Variants in SMARCB1 observed in about 807,000 individuals in gnomAD.
SMARCB1 encodes the protein SWI/SNF-related matrix-associated actin-dependent regulator of chromatin subfamily B member 1.
Under a neutral mutation model 49.0 loss-of-function variants are expected in SMARCB1, and 5 were observed. The observed-to-expected ratio is 0.10, with a 90% CI of 0.05 to 0.21. The LOEUF (loss-of-function observed/expected upper bound fraction) is 0.21. Among genes scored for constraint, SMARCB1 ranks in the 10% least tolerant of loss-of-function variants. The pLI, the probability that SMARCB1 is intolerant of heterozygous loss-of-function variation, is 1.00. For synonymous variants in SMARCB1, 201 were observed against 200.1 expected (o/e 1.00, Z -0.04); for missense variants, 226 against 509.2 (o/e 0.44, Z 5.35).
At chr22:23,825,493 T>A in intron 7 of SMARCB1, 78 bp downstream of exon 7, 1 of 1,301,388 alleles carries the variant, frequency 7.7e-7, no homozygotes, top group Non-Finnish European at 1.1e-6. Context: ...GTGTGAGCGG[T>A]GATACCTTTG....
At chr22:23,803,846 TCCTCACTCTGTAAGTC>T (rs1176151190) in intron 5 of SMARCB1, 2 of 300,980 alleles carry the variant, frequency 6.6e-6, no homozygotes, top group Non-Finnish European at 1.3e-5. Flanking sequence ...TCTCTAGACA[TCCTCACTCTGTAAGTC>T]CTGGGTCAGA....
At chr22:23,799,441 C>A (rs1486984171) in intron 3 of SMARCB1, among the ~76,000 whole-genome samples, 6 of 149,876 alleles carry the variant, frequency 4.0e-5, no homozygotes, top group African/African-American at 1.5e-4. Flanking sequence ...CCACGCCTGG[C>A]TAACTTTTGT....
At chr22:23,828,469 C>CA (rs1193845615) in intron 7 of SMARCB1, among the ~76,000 whole-genome samples, 1 of 152,024 alleles carries the variant, frequency 6.6e-6, no homozygotes, top group Non-Finnish European at 1.5e-5. Context: ...GACAGGCCAA[C>CA]ATGGCAAAAC....
chr22:23,835,076 TC>T lies in SMARCB1; in HGVS notation c.*898del. The T allele has an allele frequency of 7.2e-7, 1 of 1,397,090 alleles. No individual in the cohort carries two copies. Among genetic ancestry groups the T allele is most frequent in the Non-Finnish European group, 9.3e-7 (1 of 1,078,618 alleles). The allele number at this position is 1,397,090 out of a possible 1,614,324, so 86.5% of individuals were successfully genotyped here. On this transcript the variant is annotated 3_prime_UTR_variant, in exon 9 of 9. Transcript: ENST00000644036. ...AGCAGGTGCTGTGGCCTGGGCCAGC[TC>T]CTGCCTTACAAGCCAGCTGTGAGGA...
chr22:23,817,119 CATAGT>C (rs1333804904), intron 6 of SMARCB1, 183 bp downstream of exon 6: 1 of 634,196 alleles, frequency 1.6e-6, no homozygotes, highest in African/African-American at 1.8e-5. Flanking sequence ...GCTGAGTTCT[CATAGT>C]AAAGTGTTAT....
intron 6 of SMARCB1, chr22:23,824,982 G>T (rs1012920602): frequency 8.6e-6 from 5 of 581,226 alleles, no homozygotes; most frequent in Middle Eastern, 4.6e-4. Flanking sequence ...TGCCCCCGGG[G>T]TCACTTCAGG....
chr22:23,835,820 C>A lies in SMARCB1; in HGVS notation c.*1640C>A. 1.0e-6 allele frequency: 1 copy of A among 985,448 alleles called. No homozygotes were observed. The highest frequency in any genetic ancestry group is 1.2e-6 in the Non-Finnish European group (1 of 829,954). The allele number at this position is 985,448 out of a possible 1,614,324, so 61.0% of individuals were successfully genotyped here. A position where few individuals can be genotyped will look rare whatever the true frequency, so the allele number is the denominator to read the frequency against. Reference sequence around the variant, plus strand: ...ACCTTGGCTGCCTCACCCCACAGGTCGGGCAGGGCCACCTGGCTGGGAGGT... The same window carrying A: ...ACCTTGGCTGCCTCACCCCACAGGTAGGGCAGGGCCACCTGGCTGGGAGGT... On this transcript the variant is annotated 3_prime_UTR_variant, in exon 9 of 9. Coordinates refer to ENST00000644036, the MANE Select transcript of SMARCB1 (RefSeq NM_003073.5).
chr22:23,816,634 A>G (rs1379982887), intron 5 of SMARCB1, 136 bp from the exon 6 acceptor site: 6 of 828,590 alleles, frequency 7.2e-6, no homozygotes, highest in African/African-American at 5.1e-5. Flanking sequence ...GTTTCCAGGA[A>G]GGCCACCCCC....
At chr22:23,814,152 G>A (rs543815880) in intron 5 of SMARCB1, among the ~76,000 whole-genome samples, 121 of 152,208 alleles carry the variant, frequency 7.9e-4, no homozygotes, top group African/African-American at 2.6e-3. Flanking sequence ...AAACAGTAAA[G>A]TGGGAGTAAT....
rs956608710 is a variant in SMARCB1, at chr22:23,835,619, G to A, written c.*1439G>A. The A allele has an allele frequency of 2.0e-6, 2 of 985,398 alleles. No individual in the cohort carries two copies. Among genetic ancestry groups the A allele is most frequent in the Non-Finnish European group, 2.4e-6 (2 of 829,960 alleles). The allele number at this position is 985,398 out of a possible 1,614,324, so 61.0% of individuals were successfully genotyped here. ...CTCCCCAGAGCCCCATGCACAGCAA[G>A]GGGACAGCTGGGCCTTACTGGAAGG... On this transcript the variant is annotated 3_prime_UTR_variant, in exon 9 of 9. Transcript: ENST00000644036.
At chr22:23,793,790 TTTTTTTTTGAGATGGAATC>T in intron 3 of SMARCB1, 102 bp downstream of exon 3, 1 of 1,295,046 alleles carries the variant, frequency 7.7e-7, no homozygotes. Context: ...ACTTTTTTTT[TTTTTTTTTGAGATGGAATC>T]TTGTTCTTGT....
At chr22:23,827,503 A>C (rs1447917602) in intron 7 of SMARCB1, among the ~76,000 whole-genome samples, 1 of 152,026 alleles carries the variant, frequency 6.6e-6, no homozygotes, top group Non-Finnish European at 1.5e-5. Context: ...CCCCTTCTTT[A>C]TCTCATCGAC....
At chr22:23,793,948 GT>G (rs1176010995) in intron 3 of SMARCB1, among the ~76,000 whole-genome samples, 1 of 151,130 alleles carries the variant, frequency 6.6e-6, no homozygotes. Flanking sequence ...TACCTGGCTA[GT>G]TTTTTTTTCT....
At position 23,801,122 on chromosome 22, in the gene SMARCB1, G is replaced by A. The variant is rs587777973; in HGVS notation, c.500+41G>A. ...TGCACTCACCCTCCGTGCTGATTCC[G>A]CCTTAGTTCTCCAGCACGTTTCAGT... On this transcript the variant is annotated intron_variant, in intron 4 of 8. Transcript: ENST00000644036. 128 of 1,614,078 alleles carry A rather than the reference G, an allele frequency of 7.9e-5. No homozygotes were observed. In the East Asian group the frequency reaches 2.5e-3, roughly 32 times the overall value.
intron 1 of SMARCB1, among the ~76,000 whole-genome samples, chr22:23,789,072 A>T (rs1010306442): frequency 1.3e-5 from 2 of 152,106 alleles, no homozygotes; most frequent in African/African-American, 4.8e-5. Flanking sequence ...CTGGTCTTAA[A>T]CTTGTGAGCT....
intron 5 of SMARCB1, 68 bp from the exon 6 acceptor site, chr22:23,816,702 T>A: frequency 6.9e-7 from 1 of 1,448,166 alleles, no homozygotes; most frequent in Non-Finnish European, 9.7e-7. Context: ...GAAGAAGGGG[T>A]GAGGGAGGCC....
At chr22:23,819,505 A>G (rs1260574319) in intron 6 of SMARCB1, among the ~76,000 whole-genome samples, 1 of 151,584 alleles carries the variant, frequency 6.6e-6, no homozygotes, top group Non-Finnish European at 1.5e-5. Context: ...ATTTTTTTGG[A>G]TTTTTAATAG....
Position 23,836,670 on chromosome 22 carries a change from C to G in SMARCB1, c.*2490C>G. On this transcript the variant is annotated 3_prime_UTR_variant, in exon 9 of 9. Transcript: ENST00000644036. ...GCTGAGAGGCCACACTGAGTGAGGA[C>G]GGGGCAGGCATAGAAGGATGTGGCC... 1.6e-6 allele frequency: 2 copies of G among 1,276,382 alleles called. No homozygotes were observed. Among genetic ancestry groups the G allele is most frequent in the Admixed American group, 8.1e-5 (2 of 24,614 alleles). The allele number at this position is 1,276,382 out of a possible 1,614,324, so 79.1% of individuals were successfully genotyped here.
rs758785610 is a variant in SMARCB1, at chr22:23,837,116, CG to C, written c.*2937del. 1 of 1,613,998 alleles carries C rather than the reference CG, an allele frequency of 6.2e-7. No individual in the cohort carries two copies. The highest frequency in any genetic ancestry group is 1.1e-5 in the South Asian group (1 of 91,078). On this transcript the variant is annotated 3_prime_UTR_variant, in exon 9 of 9. Coordinates refer to ENST00000644036, the MANE Select transcript of SMARCB1 (RefSeq NM_003073.5). ...TTGCCTCCAGGCTGGTTGGGGAAGA[CG>C]TCCTCCAGGAAGTAGTAGATATGGC...
Sources: gnomAD v4.1 joint callset for allele counts (sites outside exome capture counted in the v4.1 genomes callset) on GRCh38, gnomAD v4.1.1 for gene constraint, MANE v1.5 for transcripts, NCBI Gene and HGNC (gene_info 2026-07-23, HGNC 2026-07-21) for gene names.